The following LRRFIP1 variants were observed in gnomAD, a reference collection of about 807,000 sequenced individuals.
LRRFIP1 encodes the protein leucine-rich repeat flightless-interacting protein 1.
In LRRFIP1, 62 loss-of-function variants were observed where a neutral mutation model predicts 104.4. That is an observed-to-expected ratio of 0.59 (90% CI 0.48 to 0.73). The LOEUF (loss-of-function observed/expected upper bound fraction) is 0.73. Among genes scored for constraint, LRRFIP1 ranks in the 30% least tolerant of loss-of-function variants. The probability of loss-of-function intolerance (pLI) is 0.00; values close to 1 mark genes in which losing one functional copy is unlikely to be tolerated. For missense variants in LRRFIP1, 796 were observed against 824.5 expected (o/e 0.97, Z 0.42); for synonymous variants, 300 against 299.0 (o/e 1.00, Z -0.03).
In LRRFIP1 at chr2:237,749,343, A is replaced by G. The variant is rs772316716; in HGVS notation, c.795+19A>G. ...AATCAAGGTGAGATGCTCTCTTCTT[A>G]CTGACAACTTGAGAGAACCTTTTGT... On this transcript the variant is annotated intron_variant, in intron 13 of 23. Transcript: ENST00000308482. The G allele has an allele frequency of 3.7e-6, 6 of 1,612,240 alleles. 1 individual carries two copies. The South Asian group carries it at 6.6e-5, about 18-fold the overall frequency.
chr2:237,628,816 A>G (rs986620016), intron 1 of LRRFIP1, among the ~76,000 whole-genome samples: 6 of 152,170 alleles, frequency 3.9e-5, no homozygotes, highest in African/African-American at 1.4e-4. Context: ...TTGTAGTTGT[A>G]AATACCTGAT....
chr2:237,770,007 A>G lies in LRRFIP1; in HGVS notation c.1509+15A>G, dbSNP rs142629705. On this transcript the variant is annotated intron_variant, in intron 20 of 23. Transcript: ENST00000308482. ...TATTGGAACAGGTAACAATCTTTTT[A>G]TTACTTTACCGGTTCATGAACAGGG... is the stretch of plus-strand genomic sequence containing the variant. 2.8e-4 allele frequency: 446 copies of G among 1,595,378 alleles called. 1 individual carries two copies. The African/African-American group carries it at 5.3e-3, about 19-fold the overall frequency.
chr2:237,718,920 TAAGA>T (rs1212423514), intron 4 of LRRFIP1, among the ~76,000 whole-genome samples: 3 of 152,134 alleles, frequency 2.0e-5, no homozygotes, highest in African/African-American at 7.2e-5. Context: ...CATGGTGATA[TAAGA>T]AAGAGAAAAA....
intron 1 of LRRFIP1, among the ~76,000 whole-genome samples, chr2:237,635,165 A>G (rs144189103): frequency 0.017 from 2,535 of 152,344 alleles, 67 homozygotes; most frequent in African/African-American, 0.058. Context: ...AAGTATTCAC[A>G]TGTCTGAAAA....
intron 8 of LRRFIP1, among the ~76,000 whole-genome samples, chr2:237,732,924 G>A (rs953037206): frequency 3.9e-5 from 6 of 152,200 alleles, no homozygotes; most frequent in African/African-American, 1.4e-4. Context: ...CGGCCCTGAG[G>A]TGCTTGGCCT....
rs946144733 is a variant in LRRFIP1 at position 237,717,577 on chromosome 2, T to C, written c.202-185T>C. Among the ~76,000 whole-genome samples the C allele has an allele frequency of 6.6e-6, 1 of 152,222 alleles. No homozygotes were observed. Among genetic ancestry groups the C allele is most frequent in the Non-Finnish European group, 1.5e-5 (1 of 68,040 alleles). ...CTCTCTTCACAGCTCACAGCCTGCA[T>C]GACTGCACGGGTGGCGGTCCCTGTG... On this transcript the variant is annotated intron_variant, in intron 3 of 23. Transcript: ENST00000308482. The surrounding 1 kb of genome is among the most constrained non-coding windows in gnomAD (Gnocchi z 4.2).
chr2:237,780,414 A>G lies in LRRFIP1; in HGVS notation c.*882A>G, dbSNP rs2061407678. The G allele has an allele frequency of 6.6e-6, 1 of 151,802 alleles. No homozygotes were observed. Among genetic ancestry groups the G allele is most frequent in the African/African-American group, 2.4e-5 (1 of 41,300 alleles). 9.4% of individuals were successfully genotyped at this position (151,802 alleles called of 1,614,324 possible). ...GGTCATCTTTTTATTTTTTAAGAAT[A>G]TCAAGTCAATTCATTTTTCTTTCCC... On this transcript the variant is annotated 3_prime_UTR_variant, in exon 24 of 24. Transcript: ENST00000308482.
At chr2:237,706,640 T>C (rs2093824309) in intron 1 of LRRFIP1, among the ~76,000 whole-genome samples, 1 of 152,158 alleles carries the variant, frequency 6.6e-6, no homozygotes, top group Admixed American at 6.5e-5. Context: ...GTCCTTTCTT[T>C]TGTTTGAGAC....
At chr2:237,724,008 T>C (rs2094633542) in intron 7 of LRRFIP1, among the ~76,000 whole-genome samples, 1 of 152,192 alleles carries the variant, frequency 6.6e-6, no homozygotes, top group South Asian at 2.1e-4. Flanking sequence ...AAATCCATTA[T>C]TTTCCAGTCT....
rs1438756146 is a variant in LRRFIP1, at chr2:237,711,905, C to T, written c.184-2354C>T. ...CCAGCCCAGTCAGCCCAGCGCAGCACGCGTTCCTAACGGCGGCAACGGTGC... is the reference window on the plus strand; with the variant it reads ...CCAGCCCAGTCAGCCCAGCGCAGCATGCGTTCCTAACGGCGGCAACGGTGC... On this transcript the variant is annotated intron_variant, in intron 2 of 23. Transcript: ENST00000308482. The surrounding 1 kb of genome is among the most constrained non-coding windows in gnomAD (Gnocchi z 4.4). Among the ~76,000 whole-genome samples the T allele has an allele frequency of 2.0e-5, 3 of 152,214 alleles. No homozygotes were observed. Among genetic ancestry groups the T allele is most frequent in the East Asian group, 1.9e-4 (1 of 5,190 alleles).
chr2:237,713,524 A>C (rs1235709323), intron 2 of LRRFIP1, among the ~76,000 whole-genome samples: 1 of 152,036 alleles, frequency 6.6e-6, no homozygotes, highest in African/African-American at 2.4e-5. Flanking sequence ...ATATTGTTGG[A>C]TGTAGTCACA....
In LRRFIP1 at chr2:237,735,308, G is replaced by T; in HGVS notation, c.530G>T (p.Arg177Leu). 6.2e-7 allele frequency: 1 copy of T among 1,613,440 alleles called. No homozygotes were observed. Among genetic ancestry groups the T allele is most frequent in the Non-Finnish European group, 8.5e-7 (1 of 1,179,854 alleles). ...GAAGGCAGCTTCGGTGGGACCCGAC[G>T]GGGCAGCACCTCCGGCTCCCGTGCT... ...LDEGSFGGTR[R>L]GSTSGSRAPS... Residue 177 changes from arginine to leucine, a missense_variant, in exon 10 of 24, where the codon CGG becomes CTG. Physicochemically the swap from Arg to Leu is moderately radical, Grantham distance 102. Transcript: ENST00000308482. The surrounding 1 kb of genome is among the most constrained non-coding windows in gnomAD (Gnocchi z 4.6).
intron 7 of LRRFIP1, 84 bp from the exon 8 acceptor site, chr2:237,727,792 C>T (rs2094819908): frequency 5.2e-6 from 5 of 962,610 alleles, no homozygotes; most frequent in Non-Finnish European, 8.2e-6. Context: ...CACCTTATAC[C>T]TGGCTGGTTG....
At chr2:237,767,400 C>A (rs1415922390) in intron 19 of LRRFIP1, among the ~76,000 whole-genome samples, 15 of 152,140 alleles carry the variant, frequency 9.9e-5, no homozygotes, top group Admixed American at 9.2e-4. Flanking sequence ...CACCTGAAAT[C>A]AAAAAGCTTG....
At chr2:237,683,671 T>C (rs1325423989) in intron 1 of LRRFIP1, among the ~76,000 whole-genome samples, 1 of 152,254 alleles carries the variant, frequency 6.6e-6, no homozygotes, top group African/African-American at 2.4e-5. Context: ...TTTAGTGTTA[T>C]GCCGAAGTGT....
intron 20 of LRRFIP1, chr2:237,770,838 A>G (rs373115613): frequency 6.6e-6 from 1 of 152,226 alleles, no homozygotes; most frequent in Non-Finnish European, 1.5e-5. Context: ...ATCTTTTTAT[A>G]TGCAGGATAG....
intron 1 of LRRFIP1, among the ~76,000 whole-genome samples, chr2:237,645,372 G>GA (rs1553617358): frequency 9.2e-5 from 14 of 152,058 alleles, no homozygotes; most frequent in Non-Finnish European, 1.3e-4. Context: ...CCTCCTCACT[G>GA]CCAAGATGCT....
chr2:237,727,355 C>CAA lies in LRRFIP1; in HGVS notation c.385-504_385-503dup, dbSNP rs35562237. Reference sequence around the variant, plus strand: ...TGGGCGACAGAGCGAGACTCTGTCTCAAAAAAAAAAAAAAAAAAGAAATGA... The same window carrying CAA: ...TGGGCGACAGAGCGAGACTCTGTCTCAAAAAAAAAAAAAAAAAAAAGAAATGA... On this transcript the variant is annotated intron_variant, in intron 7 of 23. Coordinates refer to ENST00000308482, the MANE Select transcript of LRRFIP1 (RefSeq NM_001137550.2). Among the ~76,000 whole-genome samples, 261 of 84,694 alleles carry CAA rather than the reference C, an allele frequency of 3.1e-3. 2 individuals are homozygous for CAA. The highest frequency in any genetic ancestry group is 0.01 in the African/African-American group (245 of 23,536). The allele number at this position is 84,694 out of a possible 152,430, so 55.6% of individuals were successfully genotyped here.
chr2:237,689,536 CT>C (rs2092627470), intron 1 of LRRFIP1, among the ~76,000 whole-genome samples: 1 of 152,206 alleles, frequency 6.6e-6, no homozygotes, highest in African/African-American at 2.4e-5. Context: ...CTCGCTGCTT[CT>C]TACTCTGTGA....
Sources: allele counts gnomAD v4.1 joint callset (sites outside exome capture counted in the v4.1 genomes callset), GRCh38; gene constraint gnomAD v4.1.1; non-coding constraint Gnocchi (gnomAD v3.1); transcripts MANE v1.5; gene names NCBI Gene and HGNC (gene_info 2026-07-23, HGNC 2026-07-21).